Variants in MTHFSD observed in about 807,000 individuals in gnomAD.
MTHFSD encodes methenyltetrahydrofolate synthetase domain containing, also known as methenyltetrahydrofolate synthase domain-containing protein.
Under a neutral mutation model 31.1 loss-of-function variants are expected in MTHFSD, and 37 were observed. The ratio of observed to expected loss-of-function variants is 1.19; its 90% CI spans 0.91 to 1.56. The LOEUF is 1.56. MTHFSD is among the 40% of genes most tolerant of loss of function. The probability of loss-of-function intolerance (pLI) is 0.00; values close to 1 mark genes in which losing one functional copy is unlikely to be tolerated. For missense variants in MTHFSD, 664 were observed against 510.1 expected (o/e 1.30, Z -2.91); for synonymous variants, 221 against 206.9 (o/e 1.07, Z -0.59).
chr16:86,532,329 C>G lies in MTHFSD; in HGVS notation c.834G>C (p.Arg278Ser), dbSNP rs1597307346. Reference sequence around the variant, plus strand: ...TTTCTGGTCCGGGTGTGTCCGGGGGCCTCCTGCCAACACTCAGGGGCACTG... The same window carrying G: ...TTTCTGGTCCGGGTGTGTCCGGGGGGCTCCTGCCAACACTCAGGGGCACTG... ...QQTVPLSVGR[R>S]PPDTPGPETN... Residue 278 changes from arginine (R) to serine (S), a missense_variant, in exon 8 of 8, where the codon AGG (arginine) becomes AGC (serine). Physicochemically the swap from Arg to Ser is moderately radical, Grantham distance 110 (BLOSUM62 -1). Coordinates refer to ENST00000360900, the MANE Select transcript of MTHFSD (RefSeq NM_001159377.2). The G allele has an allele frequency of 6.3e-7, 1 of 1,595,150 alleles. No individual in the cohort carries two copies.
intron 2 of MTHFSD, among the ~76,000 whole-genome samples, chr16:86,552,533 T>C (rs1358216448): frequency 6.6e-6 from 1 of 152,220 alleles, no homozygotes; most frequent in African/African-American, 2.4e-5. Context: ...CAAAATTTGA[T>C]GATTTTTCAC....
chr16:86,546,096 G>A (rs1972258555), intron 5 of MTHFSD, among the ~76,000 whole-genome samples: 1 of 151,580 alleles, frequency 6.6e-6, no homozygotes, highest in South Asian at 2.1e-4. Context: ...GACACACCAC[G>A]TTGTTCAGGA....
chr16:86,543,132 A>C (rs1971762136), intron 5 of MTHFSD, among the ~76,000 whole-genome samples: 1 of 152,268 alleles, frequency 6.6e-6, no homozygotes, highest in South Asian at 2.1e-4. Context: ...AGAAAATGAC[A>C]GGCAGATAAG....
chr16:86,554,757 A>G lies in MTHFSD; in HGVS notation c.17-6T>C. The G allele has an allele frequency of 1.9e-6, 3 of 1,606,282 alleles. No homozygotes were observed. Among genetic ancestry groups the G allele is most frequent in the Non-Finnish European group, 2.6e-6 (3 of 1,173,166 alleles). On this transcript the variant is annotated splice_region_variant and splice_polypyrimidine_tract_variant and intron_variant, in intron 1 of 7. Transcript: ENST00000360900. ...GTCCTGTTTGGAGACACCTACTGCA[A>G]CAAAAGATTCCCACTTAATAACATA...
chr16:86,540,518 T>C (rs1020409285), intron 7 of MTHFSD, among the ~76,000 whole-genome samples: 3 of 152,210 alleles, frequency 2.0e-5, no homozygotes, highest in African/African-American at 7.2e-5. Context: ...ACGGCTGCAA[T>C]GGGCCCCTTC....
chr16:86,554,861 G>A (rs1973844094), intron 1 of MTHFSD, 110 bp from the exon 2 acceptor site: 3 of 1,094,082 alleles, frequency 2.7e-6, no homozygotes, highest in East Asian at 5.1e-5. Flanking sequence ...ACCGGCTTCC[G>A]ATCCTGTTCC....
chr16:86,553,929 G>A (rs1006617864), intron 2 of MTHFSD, among the ~76,000 whole-genome samples: 1 of 152,234 alleles, frequency 6.6e-6, no homozygotes, highest in African/African-American at 2.4e-5. Flanking sequence ...TGGGCACTCT[G>A]TATGTAGCTA....
At chr16:86,550,141 TG>T (rs1220309833) in intron 3 of MTHFSD, among the ~76,000 whole-genome samples, 1 of 152,242 alleles carries the variant, frequency 6.6e-6, no homozygotes, top group Non-Finnish European at 1.5e-5. Flanking sequence ...CACATGCAGC[TG>T]GGGCTCAGGA....
At chr16:86,543,764 T>C (rs1971866387) in intron 5 of MTHFSD, among the ~76,000 whole-genome samples, 1 of 152,208 alleles carries the variant, frequency 6.6e-6, no homozygotes, top group Admixed American at 6.5e-5. Context: ...TACTAGTCCA[T>C]GGCCTGTGAG....
At chr16:86,548,327 A>C (rs1972629122) in intron 4 of MTHFSD, 137 bp downstream of exon 4, 1 of 858,814 alleles carries the variant, frequency 1.2e-6, no homozygotes, top group Non-Finnish European at 1.9e-6. Flanking sequence ...AGAATTCTTG[A>C]ATACTTTAAT....
rs1229086168 is a variant in MTHFSD, at chr16:86,532,319, T to C, written c.844A>G (p.Thr282Ala). The change falls in exon 8 of 8, where the codon ACA becomes GCA. Residue 282 changes from threonine to alanine, a missense_variant. Transcript: ENST00000360900. Reference sequence around the variant, plus strand: ...ATGGAATTGGTTTCTGGTCCGGGTGTGTCCGGGGGCCTCCTGCCAACACTC... The same window carrying C: ...ATGGAATTGGTTTCTGGTCCGGGTGCGTCCGGGGGCCTCCTGCCAACACTC... ...PLSVGRRPPDTPGPETNSMEA... is the reference protein window; with the variant it reads ...PLSVGRRPPDAPGPETNSMEA... The C allele has an allele frequency of 6.3e-7, 1 of 1,593,572 alleles. No individual in the cohort carries two copies. The highest frequency in any genetic ancestry group is 8.5e-7 in the Non-Finnish European group (1 of 1,171,064).
intron 3 of MTHFSD, 167 bp downstream of exon 3, chr16:86,551,866 C>G: frequency 7.7e-7 from 1 of 1,296,514 alleles, no homozygotes; most frequent in Non-Finnish European, 1.0e-6. Flanking sequence ...TGAAGGGCTT[C>G]TGAACTATTC....
rs1597346423 is a variant in MTHFSD at position 86,541,744 on chromosome 16, C to G, written c.634G>C (p.Ala212Pro). ...DYILTPTRVIATGCKRPKPMG... is the reference protein window; with the variant it reads ...DYILTPTRVIPTGCKRPKPMG... ...GGCTTTGGGCGCTTGCAGCCTGTGG[C>G]GATGACTCTGGTTGGAGTGAGGATG... The change falls in exon 7 of 8, where the codon GCC becomes CCC. Residue 212 changes from alanine to proline, a missense_variant. Physicochemically the swap from Ala to Pro is conservative, Grantham distance 27 (BLOSUM62 -1). Transcript: ENST00000360900. 1 of 1,614,042 alleles carries G rather than the reference C, an allele frequency of 6.2e-7. No individual in the cohort carries two copies. The highest frequency in any genetic ancestry group is 1.3e-5 in the African/African-American group (1 of 75,070).
rs367857824 is a variant in MTHFSD, at chr16:86,532,400, G to T, written c.763C>A (p.Leu255Ile). The change falls in exon 8 of 8, where the codon CTC becomes ATC. Residue 255 changes from leucine (L) to isoleucine (I), a missense_variant. Physicochemically the swap from Leu to Ile is conservative, Grantham distance 5. Transcript: ENST00000360900. Reference protein sequence around the residue: ...REQQAGKDVTLQGEHQHLPEP... With the variant: ...REQQAGKDVTIQGEHQHLPEP... ...GGAAGGTGCTGGTGCTCACCCTGGA[G>T]GGTGACATCCTTCCCAGCCTGCTGC... 1 of 1,536,114 alleles carries T rather than the reference G, an allele frequency of 6.5e-7. No individual in the cohort carries two copies. The highest frequency in any genetic ancestry group is 8.7e-7 in the Non-Finnish European group (1 of 1,143,404).
At chr16:86,535,282 T>C in intron 7 of MTHFSD, 1 of 985,292 alleles carries the variant, frequency 1.0e-6, no homozygotes, top group Non-Finnish European at 1.2e-6. Context: ...TGTTTGTGGG[T>C]AAAGGATGAC....
chr16:86,555,155 G>A lies in MTHFSD; in HGVS notation c.16+14C>T, dbSNP rs766909352. The stretch of plus-strand genomic sequence containing the variant: ...CCATTCCCAGCCGCCCCGGAGCCCC[G>A]CCAGGCCCCCCACCTGCCCTCGGCT... On this transcript the variant is annotated intron_variant, in intron 1 of 7. Transcript: ENST00000360900. 3 of 1,534,534 alleles carry A rather than the reference G, an allele frequency of 2.0e-6. No homozygotes were observed. Among genetic ancestry groups the A allele is most frequent in the South Asian group, 1.2e-5 (1 of 83,926 alleles).
chr16:86,541,763 G>T lies in MTHFSD; in HGVS notation c.615C>A (p.Leu205=). 6.2e-7 allele frequency: 1 copy of T among 1,614,228 alleles called. No individual in the cohort carries two copies. The highest frequency in any genetic ancestry group is 8.5e-7 in the Non-Finnish European group (1 of 1,180,046). The change falls in exon 7 of 8, where the codon CTC becomes CTA. Residue 205 remains leucine, a synonymous_variant. Transcript: ENST00000360900. The part of the protein sequence containing the change: ...EEHDITVDYI[L]TPTRVIATGC... The stretch of plus-strand genomic sequence containing the variant: ...CTGTGGCGATGACTCTGGTTGGAGT[G>T]AGGATGTAGTCCACAGTGATGTCGT...
intron 7 of MTHFSD, among the ~76,000 whole-genome samples, chr16:86,536,905 T>C (rs1328233034): frequency 6.6e-6 from 1 of 152,216 alleles, no homozygotes; most frequent in Non-Finnish European, 1.5e-5. Context: ...CACGCAGACA[T>C]GCTTGAGCTT....
intron 7 of MTHFSD, 21 bp downstream of exon 7, chr16:86,541,676 C>G (rs755645781): frequency 6.2e-7 from 1 of 1,608,778 alleles, no homozygotes; most frequent in African/African-American, 1.3e-5. Context: ...CAGGCCAGAG[C>G]TGGCCACTGC....
Sources: gnomAD v4.1 joint callset for allele counts (sites outside exome capture counted in the v4.1 genomes callset) on GRCh38, gnomAD v4.1.1 for gene constraint, MANE v1.5 for transcripts, NCBI Gene and HGNC (gene_info 2026-07-23, HGNC 2026-07-21) for gene names.